UBR3: variants seen among roughly 807,000 people sequenced by gnomAD.
UBR3 encodes E3 ubiquitin-protein ligase UBR3.
UBR3 carries 85 observed loss-of-function variants against 243.2 expected under a neutral mutation model. The observed-to-expected ratio is 0.35, with a 90% CI of 0.29 to 0.42. The LOEUF is 0.42. UBR3 is among the 10% of genes least tolerant of loss of function. The pLI is 1.00. For missense variants in UBR3, 1,686 were observed against 2,300.8 expected, an observed-to-expected ratio of 0.73 and a Z score of 5.47; for synonymous variants, 748 against 799.8, an observed-to-expected ratio of 0.94 and a Z score of 1.09.
chr2:169,916,046 A>G (rs1302707933), intron 11 of UBR3, among the ~76,000 whole-genome samples: 1 of 152,062 alleles, frequency 6.6e-6, no homozygotes, highest in African/African-American at 2.4e-5. Context: ...ATCCCTGGTT[A>G]CTTTTAGTGT....
At chr2:170,061,494 G>GTC (rs1483803274) in intron 35 of UBR3, 51 bp downstream of exon 35, 3 of 1,591,092 alleles carry the variant, frequency 1.9e-6, no homozygotes, top group Non-Finnish European at 2.6e-6. Flanking sequence ...TTCAGATGGA[G>GTC]TCTCTCTCTG....
At chr2:170,029,500 G>T (rs1463870138) in intron 31 of UBR3, 52 bp downstream of exon 31, 3 of 1,380,910 alleles carry the variant, frequency 2.2e-6, no homozygotes, top group South Asian at 1.3e-5. Context: ...TGAAAAACAG[G>T]TGTTAAATAT....
chr2:169,920,265 A>G (rs372247019), intron 11 of UBR3, among the ~76,000 whole-genome samples: 1 of 152,144 alleles, frequency 6.6e-6, no homozygotes, highest in Non-Finnish European at 1.5e-5. Flanking sequence ...GAATTGAACA[A>G]TGAGAACACA....
At position 170,029,380 on chromosome 2, in the gene UBR3, G is replaced by A. The variant is rs377119135; in HGVS notation, c.4488G>A (p.Arg1496=). 4.6e-5 allele frequency: 74 copies of A among 1,611,260 alleles called. No homozygotes were observed. The highest frequency in any genetic ancestry group is 6.1e-5 in the Non-Finnish European group (72 of 1,178,582). The change falls in exon 31 of 39, where the codon CGG becomes CGA. Residue 1496 remains arginine (R), a synonymous_variant. Coordinates refer to ENST00000272793, the MANE Select transcript of UBR3 (RefSeq NM_172070.4). ...TTCATGTATTAGCCTTGCACATGCG[G>A]CTTTATAGCATTGACTCTGAGTATA... ...QLFHVLALHM[R]LYSIDSEYNP... is the part of the protein sequence containing the mutation.
intron 23 of UBR3, among the ~76,000 whole-genome samples, chr2:169,953,161 A>G (rs769871545): frequency 1.3e-5 from 2 of 152,156 alleles, no homozygotes; most frequent in Non-Finnish European, 2.9e-5. Context: ...TATTCTAAAA[A>G]TTTTAAAGGC....
At chr2:169,965,781 T>G (rs1321563082) in intron 24 of UBR3, among the ~76,000 whole-genome samples, 1 of 152,116 alleles carries the variant, frequency 6.6e-6, no homozygotes, top group African/African-American at 2.4e-5. Context: ...TTCCGAAATT[T>G]TCCATTTAAT....
intron 1 of UBR3, among the ~76,000 whole-genome samples, chr2:169,856,084 TGCC>T (rs2082842014): frequency 6.9e-6 from 1 of 145,520 alleles, no homozygotes; most frequent in African/African-American, 2.6e-5. Context: ...ACGGGGCGGC[TGCC>T]GGGCGGAGGG....
chr2:169,881,421 C>T (rs370572833), intron 5 of UBR3, among the ~76,000 whole-genome samples: 5 of 151,912 alleles, frequency 3.3e-5, no homozygotes, highest in South Asian at 2.1e-4. Flanking sequence ...TCAGGTGATC[C>T]GCCCACCTTG....
In UBR3 at chr2:169,890,579, A is replaced by ATGTGTG. The variant is rs1553504576; in HGVS notation, c.1039-583_1039-582insGTGTGT. The stretch of plus-strand genomic sequence containing the variant: ...TATATATATATGTGTATATATATAT[A>ATGTGTG]TGTATATATATATGTATATATATGT... On this transcript the variant is annotated intron_variant, in intron 5 of 38. Transcript: ENST00000272793. 3.8e-3 allele frequency among the ~76,000 whole-genome samples: 234 copies of ATGTGTG among 61,262 alleles called. 15 individuals are homozygous for ATGTGTG. The highest frequency in any genetic ancestry group is 0.016 in the African/African-American group (221 of 13,768). The allele number at this position is 61,262 out of a possible 152,430, so 40.2% of individuals were successfully genotyped here. A position where few individuals can be genotyped will look rare whatever the true frequency, so the allele number is the denominator to read the frequency against.
intron 1 of UBR3, among the ~76,000 whole-genome samples, chr2:169,856,358 C>A (rs1174499474): frequency 6.7e-6 from 1 of 150,086 alleles, no homozygotes. Context: ...ACTGGGCAGC[C>A]GGGCAGAGGG....
At chr2:169,921,027 A>G (rs186342065) in intron 11 of UBR3, among the ~76,000 whole-genome samples, 1 of 152,312 alleles carries the variant, frequency 6.6e-6, no homozygotes, top group Non-Finnish European at 1.5e-5. Flanking sequence ...AGACAGAAAG[A>G]AGAAAGTGGA....
chr2:169,988,612 C>T (rs2089135343), intron 25 of UBR3, among the ~76,000 whole-genome samples: 1 of 151,788 alleles, frequency 6.6e-6, no homozygotes, highest in Non-Finnish European at 1.5e-5. Flanking sequence ...CAAGACCAGC[C>T]TGGGCAACAC....
intron 23 of UBR3, among the ~76,000 whole-genome samples, chr2:169,956,438 G>A (rs1574281911): frequency 1.3e-5 from 2 of 151,880 alleles, no homozygotes; most frequent in African/African-American, 4.8e-5. Context: ...GTTCAGAAAG[G>A]GAAGAGAGGG....
At chr2:170,080,977 C>G (rs1216616540) in intron 38 of UBR3, among the ~76,000 whole-genome samples, 1 of 151,690 alleles carries the variant, frequency 6.6e-6, no homozygotes, top group Non-Finnish European at 1.5e-5. Flanking sequence ...ATTGCTTGAG[C>G]CCAGGAGTTT....
intron 19 of UBR3, among the ~76,000 whole-genome samples, chr2:169,935,165 T>G (rs1420717922): frequency 6.6e-6 from 1 of 152,130 alleles, no homozygotes; most frequent in Non-Finnish European, 1.5e-5. Flanking sequence ...ATATGTCTGT[T>G]TTTTGTTTGT....
intron 5 of UBR3, among the ~76,000 whole-genome samples, chr2:169,888,506 A>G (rs2084202047): frequency 6.6e-6 from 1 of 152,180 alleles, no homozygotes; most frequent in Non-Finnish European, 1.5e-5. Flanking sequence ...TAATGGTTTC[A>G]TGCTGTATAT....
chr2:170,004,741 T>G (rs1437586315), intron 27 of UBR3, among the ~76,000 whole-genome samples: 1 of 151,796 alleles, frequency 6.6e-6, no homozygotes, highest in Non-Finnish European at 1.5e-5. Flanking sequence ...CGAAACCCCA[T>G]CTATACTAAA....
At chr2:170,075,192 ACC>A (rs528995157) in intron 36 of UBR3, among the ~76,000 whole-genome samples, 37 of 152,070 alleles carry the variant, frequency 2.4e-4, no homozygotes, top group African/African-American at 8.7e-4. Context: ...CTCATTTTAT[ACC>A]CTTTTTTTAA....
intron 5 of UBR3, among the ~76,000 whole-genome samples, chr2:169,882,268 T>A (rs1326637221): frequency 7.3e-6 from 1 of 137,096 alleles, no homozygotes; most frequent in Admixed American, 7.8e-5. Context: ...TTATATATAT[T>A]TGTATATCAT....
Sources: allele counts gnomAD v4.1 joint callset (sites outside exome capture counted in the v4.1 genomes callset), GRCh38; gene constraint gnomAD v4.1.1; transcripts MANE v1.5; gene names NCBI Gene and HGNC (gene_info 2026-07-23, HGNC 2026-07-21).